GRM7: variants seen among roughly 807,000 people sequenced by gnomAD.
The protein encoded by GRM7 is glutamate metabotropic receptor 7, also known as metabotropic glutamate receptor 7.
A neutral mutation model predicts 84.5 loss-of-function variants in GRM7; 35 were observed. That is an observed-to-expected ratio of 0.41 (90% CI 0.32 to 0.55). The LOEUF (loss-of-function observed/expected upper bound fraction) is 0.55, where lower values mean the gene tolerates loss of function less well. GRM7 is among the 20% of genes least tolerant of loss of function. The pLI is 0.19. For missense variants in GRM7, 1,003 were observed against 1,194.6 expected (o/e 0.84, Z 2.36); for synonymous variants, 487 against 455.1 (o/e 1.07, Z -0.89).
chr3:7,103,537 A>C (rs995034189), intron 1 of GRM7, among the ~76,000 whole-genome samples: 1 of 151,830 alleles, frequency 6.6e-6, no homozygotes, highest in Non-Finnish European at 1.5e-5. Flanking sequence ...TTTCCATTGC[A>C]CTTACATGTT....
intron 7 of GRM7, among the ~76,000 whole-genome samples, chr3:7,522,129 C>A (rs904387453): frequency 1.3e-5 from 2 of 152,096 alleles, no homozygotes; most frequent in South Asian, 2.1e-4. Context: ...AAATCTTTGT[C>A]TAACCTGGAA....
chr3:6,934,314 C>A (rs1342041889), intron 1 of GRM7, among the ~76,000 whole-genome samples: 1 of 152,054 alleles, frequency 6.6e-6, no homozygotes, highest in Non-Finnish European at 1.5e-5. Context: ...TTTCATTCAC[C>A]ATTTCACAAT....
intron 8 of GRM7, among the ~76,000 whole-genome samples, chr3:7,673,570 T>A (rs1029130323): frequency 6.6e-6 from 1 of 150,584 alleles, no homozygotes; most frequent in African/African-American, 2.4e-5. Flanking sequence ...TGATTTTACA[T>A]ATGTTTAATA....
intron 2 of GRM7, among the ~76,000 whole-genome samples, chr3:7,281,506 A>T (rs146525097): frequency 3.9e-5 from 6 of 152,292 alleles, no homozygotes; most frequent in Admixed American, 6.5e-5. Flanking sequence ...AATACTTGCT[A>T]ATCTATTTCA....
At chr3:7,540,301 T>A (rs867594585) in intron 7 of GRM7, among the ~76,000 whole-genome samples, 1 of 152,316 alleles carries the variant, frequency 6.6e-6, no homozygotes, top group Middle Eastern at 3.4e-3. Flanking sequence ...CACCATTATT[T>A]ATAATAGCCA....
At position 7,240,350 on chromosome 3, in the gene GRM7, T is replaced by G. The variant is rs180718632; in HGVS notation, c.737-58334T>G. Reference sequence around the variant, plus strand: ...GAACTCATGGCCTGGAATTGTTTTTTTTTTAATCAGAAATCTCCTAATTTT... The same window carrying G: ...GAACTCATGGCCTGGAATTGTTTTTGTTTTAATCAGAAATCTCCTAATTTT... On this transcript the variant is annotated intron_variant, in intron 2 of 9. Coordinates refer to ENST00000357716, the MANE Select transcript of GRM7 (RefSeq NM_000844.4). 6.1e-4 allele frequency among the ~76,000 whole-genome samples: 93 copies of G among 151,946 alleles called. 3 individuals are homozygous for G. Among genetic ancestry groups the G allele is most frequent in the Admixed American group, 6.0e-3 (91 of 15,234 alleles).
intron 1 of GRM7, among the ~76,000 whole-genome samples, chr3:6,976,774 A>T (rs1559363182): frequency 6.6e-6 from 1 of 152,176 alleles, no homozygotes; most frequent in African/African-American, 2.4e-5. Context: ...TGCTGAAACA[A>T]AATCTACCAT....
chr3:7,707,115 T>G (rs898907780), intron 9 of GRM7, among the ~76,000 whole-genome samples: 1 of 152,198 alleles, frequency 6.6e-6, no homozygotes, highest in African/African-American at 2.4e-5. Flanking sequence ...TTAAATTAAC[T>G]GAGGTTACAT....
chr3:7,362,860 G>A (rs1025396061), intron 4 of GRM7, among the ~76,000 whole-genome samples: 3 of 152,106 alleles, frequency 2.0e-5, no homozygotes, highest in African/African-American at 7.2e-5. Flanking sequence ...GGGCATGATG[G>A]CTCACAGCTG....
intron 2 of GRM7, among the ~76,000 whole-genome samples, chr3:7,182,845 G>A (rs1427450801): frequency 2.0e-5 from 3 of 148,838 alleles, no homozygotes; most frequent in African/African-American, 7.4e-5. Flanking sequence ...ATTTTATCTT[G>A]AAGATTTTCT....
At chr3:7,180,962 T>C (rs1407578261) in intron 2 of GRM7, among the ~76,000 whole-genome samples, 2 of 152,200 alleles carry the variant, frequency 1.3e-5, no homozygotes, top group African/African-American at 4.8e-5. Flanking sequence ...CATTTTACTT[T>C]GGAATTGGGT....
chr3:7,474,496 G>A (rs1485058704), intron 7 of GRM7, among the ~76,000 whole-genome samples: 2 of 148,776 alleles, frequency 1.3e-5, no homozygotes, highest in South Asian at 2.1e-4. Context: ...AAAAACAACT[G>A]AAATGAGAAA....
At chr3:7,505,190 A>G (rs1354666155) in intron 7 of GRM7, among the ~76,000 whole-genome samples, 3 of 152,244 alleles carry the variant, frequency 2.0e-5, no homozygotes, top group African/African-American at 4.8e-5. Flanking sequence ...TGTTGCCTCC[A>G]GGACACAGTG....
At chr3:7,466,272 G>A (rs12491834) in intron 7 of GRM7, among the ~76,000 whole-genome samples, 52,502 of 151,990 alleles carry the variant, frequency 0.35, 10,632 homozygotes, top group Non-Finnish European at 0.47. Context: ...TAAGGGCTCT[G>A]TAGTAGATAT....
intron 4 of GRM7, among the ~76,000 whole-genome samples, chr3:7,359,255 T>TGTGTGTG (rs754428287): frequency 1.5e-5 from 2 of 136,568 alleles, no homozygotes; most frequent in South Asian, 4.6e-4. Context: ...TGTGTGTGTG[T>TGTGTGTG]TGTGGTTTTA....
chr3:7,282,037 T>G (rs560280891), intron 2 of GRM7, among the ~76,000 whole-genome samples: 3 of 152,220 alleles, frequency 2.0e-5, no homozygotes, highest in South Asian at 4.1e-4. Flanking sequence ...GAGCAGAGAT[T>G]GCGCCACTGC....
intron 9 of GRM7, among the ~76,000 whole-genome samples, chr3:7,713,538 T>C (rs1203893478): frequency 6.6e-6 from 1 of 152,122 alleles, no homozygotes; most frequent in Non-Finnish European, 1.5e-5. Flanking sequence ...AGAGCAGATA[T>C]GAGTGTAAAT....
At chr3:7,152,134 A>C (rs7623514) in intron 2 of GRM7, among the ~76,000 whole-genome samples, 33,342 of 152,140 alleles carry the variant, frequency 0.22, 3,952 homozygotes, top group Middle Eastern at 0.32. Flanking sequence ...TCCTCAAGAA[A>C]GACTTGCATT....
chr3:7,644,539 T>G (rs566718736), intron 8 of GRM7, among the ~76,000 whole-genome samples: 9 of 152,288 alleles, frequency 5.9e-5, no homozygotes, highest in African/African-American at 2.2e-4. Context: ...AATTCAAAGA[T>G]GCAGAAACTG....
Sources: allele counts gnomAD v4.1 joint callset (sites outside exome capture counted in the v4.1 genomes callset), GRCh38; gene constraint gnomAD v4.1.1; transcripts MANE v1.5; gene names NCBI Gene and HGNC (gene_info 2026-07-23, HGNC 2026-07-21).